The following RBFOX1 variants were observed in gnomAD, a reference collection of about 807,000 sequenced individuals.
RBFOX1 encodes the protein RNA binding fox-1 homolog 1.
In RBFOX1, 8 loss-of-function variants were observed where a neutral mutation model predicts 57.7. That is an observed-to-expected ratio of 0.14 (90% confidence interval 0.08 to 0.25). The LOEUF is 0.25. Ranked by LOEUF, RBFOX1 falls within the 10% of genes least tolerant of loss-of-function variation. RBFOX1 has a pLI of 1.00. For synonymous variants in RBFOX1, 326 were observed against 222.4 expected (o/e 1.47, Z -4.15); for missense variants, 611 against 548.5 (o/e 1.11, Z -1.14).
chr16:7,663,598 C>T (rs1332376913), intron 12 of RBFOX1, among the ~76,000 whole-genome samples: 1 of 151,884 alleles, frequency 6.6e-6, no homozygotes, highest in Non-Finnish European at 1.5e-5. Context: ...CTACAGAAAC[C>T]TGCTGGAATC....
intron 3 of RBFOX1, among the ~76,000 whole-genome samples, chr16:5,734,754 G>A (rs1165625546): frequency 2.0e-5 from 3 of 152,126 alleles, no homozygotes; most frequent in Non-Finnish European, 2.9e-5. Context: ...CTCATTCCCT[G>A]TAGGCTATAG....
chr16:6,205,828 G>T, intron 1 of RBFOX1, among the ~76,000 whole-genome samples: 1 of 141,078 alleles, frequency 7.1e-6, no homozygotes. Context: ...CAAATATTTT[G>T]CATTTCCCTT....
intron 1 of RBFOX1, among the ~76,000 whole-genome samples, chr16:6,256,770 C>A (rs891662663): frequency 6.6e-6 from 1 of 152,000 alleles, no homozygotes; most frequent in South Asian, 2.1e-4. Flanking sequence ...AAAATGTCCC[C>A]AGACATTGAC....
intron 13 of RBFOX1, among the ~76,000 whole-genome samples, chr16:7,665,250 C>G (rs1216943177): frequency 6.6e-6 from 1 of 152,112 alleles, no homozygotes; most frequent in East Asian, 1.9e-4. Context: ...CTAAAGACCC[C>G]ACTTCACCCA....
At chr16:6,813,476 G>A (rs1451409440) in intron 3 of RBFOX1, among the ~76,000 whole-genome samples, 1 of 152,040 alleles carries the variant, frequency 6.6e-6, no homozygotes, top group East Asian at 1.9e-4. Flanking sequence ...TTTCTTCAGA[G>A]ACAGGGCCAA....
chr16:7,464,036 G>A (rs2060042814), intron 4 of RBFOX1, among the ~76,000 whole-genome samples: 1 of 152,208 alleles, frequency 6.6e-6, no homozygotes, highest in African/African-American at 2.4e-5. Flanking sequence ...CAAAGCCTTG[G>A]CTGCTAATCT....
chr16:7,439,909 C>T (rs897272367), intron 4 of RBFOX1, among the ~76,000 whole-genome samples: 7 of 151,136 alleles, frequency 4.6e-5, no homozygotes, highest in African/African-American at 1.2e-4. Context: ...AGTCAAGGCT[C>T]CAGGTTTCCT....
chr16:6,937,095 TAAAA>T (rs941868118), intron 3 of RBFOX1, among the ~76,000 whole-genome samples: 2 of 151,740 alleles, frequency 1.3e-5, no homozygotes, highest in Non-Finnish European at 2.9e-5. Context: ...AGTATGATAA[TAAAA>T]AAATAAATAA....
chr16:5,273,027 C>A (rs1224658989), intron 1 of RBFOX1, among the ~76,000 whole-genome samples: 1 of 152,164 alleles, frequency 6.6e-6, no homozygotes, highest in Non-Finnish European at 1.5e-5. Context: ...CAGTCCTTTG[C>A]TGGTGGCAGT....
chr16:5,474,927 A>G (rs937358330), intron 2 of RBFOX1, among the ~76,000 whole-genome samples: 1 of 152,212 alleles, frequency 6.6e-6, no homozygotes, highest in African/African-American at 2.4e-5. Flanking sequence ...TTAATAGAAA[A>G]TGACCATCTT....
At chr16:6,842,559 G>T (rs1280071753) in intron 3 of RBFOX1, among the ~76,000 whole-genome samples, 1 of 151,802 alleles carries the variant, frequency 6.6e-6, no homozygotes, top group South Asian at 2.1e-4. Flanking sequence ...ACTTTTTAAT[G>T]GCTCTGCAGT....
At chr16:7,661,676 G>A (rs998208777) in intron 12 of RBFOX1, among the ~76,000 whole-genome samples, 7 of 152,176 alleles carry the variant, frequency 4.6e-5, no homozygotes, top group African/African-American at 1.4e-4. Context: ...GTTACTGAGG[G>A]GGCTTTCTTC....
intron 4 of RBFOX1, among the ~76,000 whole-genome samples, chr16:7,078,889 T>TTTTC (rs1555454750): frequency 7.1e-6 from 1 of 141,538 alleles, no homozygotes. Flanking sequence ...TTTTTTTTTT[T>TTTTC]AGTGAAGATG....
intron 5 of RBFOX1, among the ~76,000 whole-genome samples, chr16:7,535,921 G>A (rs2081353168): frequency 6.6e-6 from 1 of 152,098 alleles, no homozygotes. Flanking sequence ...ATATTTCTTG[G>A]GTTCTTACTA....
intron 3 of RBFOX1, among the ~76,000 whole-genome samples, chr16:6,976,564 C>T (rs773011855): frequency 6.6e-6 from 1 of 151,674 alleles, no homozygotes; most frequent in Non-Finnish European, 1.5e-5. Flanking sequence ...TTAGGAAAGG[C>T]AAGTGGTGAA....
intron 3 of RBFOX1, among the ~76,000 whole-genome samples, chr16:5,849,081 C>T (rs1397113382): frequency 1.3e-5 from 2 of 152,128 alleles, no homozygotes; most frequent in Non-Finnish European, 2.9e-5. Context: ...GGTAAGAACA[C>T]TAGAGTCCTT....
At chr16:7,007,780 G>T (rs1331491076) in intron 3 of RBFOX1, among the ~76,000 whole-genome samples, 1 of 152,182 alleles carries the variant, frequency 6.6e-6, no homozygotes, top group Non-Finnish European at 1.5e-5. Context: ...AAACTGTGAG[G>T]ATGGGGTAAG....
intron 2 of RBFOX1, among the ~76,000 whole-genome samples, chr16:6,556,962 T>C (rs2097106087): frequency 6.7e-6 from 1 of 148,886 alleles, no homozygotes; most frequent in Non-Finnish European, 1.5e-5. Flanking sequence ...ATTCATTATA[T>C]ATATAAATAT....
intron 3 of RBFOX1, among the ~76,000 whole-genome samples, chr16:6,994,450 C>T (rs971951286): frequency 6.6e-6 from 1 of 152,140 alleles, no homozygotes; most frequent in East Asian, 1.9e-4. Flanking sequence ...CCAGCTCTCT[C>T]TTTTTAATGC....
Sources: gnomAD v4.1 joint callset for allele counts (sites outside exome capture counted in the v4.1 genomes callset) on GRCh38, gnomAD v4.1.1 for gene constraint, MANE v1.5 for transcripts, NCBI Gene and HGNC (gene_info 2026-07-23, HGNC 2026-07-21) for gene names.